PHLPP1: variants seen among roughly 807,000 people sequenced by gnomAD.
The protein encoded by PHLPP1 is PH domain and leucine rich repeat protein phosphatase 1, also known as PH domain leucine-rich repeat-containing protein phosphatase 1.
Under a neutral mutation model 117.2 loss-of-function variants are expected in PHLPP1, and 42 were observed. The ratio of observed to expected loss-of-function variants is 0.36; its 90% confidence interval spans 0.28 to 0.46. The LOEUF (loss-of-function observed/expected upper bound fraction) is 0.46, where lower values mean the gene tolerates loss of function less well. Among genes scored for constraint, PHLPP1 ranks in the 20% least tolerant of loss-of-function variants. The pLI is 1.00. For missense variants in PHLPP1, 2,084 were observed against 2,241.9 expected (o/e 0.93, Z 1.42); for synonymous variants, 1,042 against 970.7 (o/e 1.07, Z -1.37).
At chr18:62,811,992 G>A (rs1012262416) in intron 1 of PHLPP1, among the ~76,000 whole-genome samples, 1 of 152,102 alleles carries the variant, frequency 6.6e-6, no homozygotes, top group Non-Finnish European at 1.5e-5. Context: ...GTTTATAAAA[G>A]ACTAATTTAA....
chr18:62,979,485 G>A lies in PHLPP1; in HGVS notation c.*54G>A, dbSNP rs1911315119. ...AACCACAAAAGACTGAGTTGCAAGA[G>A]TCTCCCAGGCTCACATTAAACCAGG... On this transcript the variant is annotated 3_prime_UTR_variant, in exon 17 of 17. Coordinates refer to ENST00000262719, the MANE Select transcript of PHLPP1 (RefSeq NM_194449.4). The A allele has an allele frequency of 2.6e-6, 4 of 1,521,318 alleles. No homozygotes were observed. In the South Asian group the frequency reaches 5.1e-5, roughly 19 times the overall value. 94.2% of individuals were successfully genotyped at this position (1,521,318 alleles called of 1,614,324 possible).
At chr18:62,955,824 C>T (rs1168673031) in intron 12 of PHLPP1, among the ~76,000 whole-genome samples, 1 of 152,162 alleles carries the variant, frequency 6.6e-6, no homozygotes, top group African/African-American at 2.4e-5. Flanking sequence ...TTGTCAACTA[C>T]TTGCATCCTA....
At chr18:62,964,496 A>G (rs1203029742) in intron 14 of PHLPP1, among the ~76,000 whole-genome samples, 3 of 152,178 alleles carry the variant, frequency 2.0e-5, no homozygotes, top group Non-Finnish European at 4.4e-5. Flanking sequence ...GATCTGACAC[A>G]TTGATCTTTT....
At chr18:62,976,605 C>T (rs1021122236) in intron 16 of PHLPP1, among the ~76,000 whole-genome samples, 1 of 152,176 alleles carries the variant, frequency 6.6e-6, no homozygotes, top group Non-Finnish European at 1.5e-5. Flanking sequence ...CAGTGTCTAC[C>T]ATCCATGTGC....
intron 4 of PHLPP1, among the ~76,000 whole-genome samples, chr18:62,879,844 G>A (rs560504433): frequency 6.6e-6 from 1 of 152,282 alleles, no homozygotes; most frequent in African/African-American, 2.4e-5. Flanking sequence ...GCTGAAGTTT[G>A]AGAAATAGCC....
chr18:62,739,513 G>T (rs1169071146), intron 1 of PHLPP1, among the ~76,000 whole-genome samples: 1 of 152,108 alleles, frequency 6.6e-6, no homozygotes, highest in Admixed American at 6.5e-5. Context: ...TATGGTTTGT[G>T]TGCTTTATTA....
At chr18:62,970,489 G>A (rs1273374808) in intron 14 of PHLPP1, among the ~76,000 whole-genome samples, 1 of 152,184 alleles carries the variant, frequency 6.6e-6, no homozygotes, top group East Asian at 1.9e-4. Context: ...ATGAGGCTGG[G>A]CATGGTGGCT....
chr18:62,721,427 T>TGG (rs556907539), intron 1 of PHLPP1, among the ~76,000 whole-genome samples: 285 of 150,270 alleles, frequency 1.9e-3, no homozygotes, highest in African/African-American at 6.4e-3. Context: ...TTGAGGGGTG[T>TGG]GGGTGTGTGT....
At chr18:62,778,045 G>A (rs1599042703) in intron 1 of PHLPP1, among the ~76,000 whole-genome samples, 2 of 152,278 alleles carry the variant, frequency 1.3e-5, no homozygotes, top group Admixed American at 1.3e-4. Context: ...CATATGACAA[G>A]GAGAGAGTGA....
At chr18:62,875,847 C>T (rs1172506388) in intron 4 of PHLPP1, among the ~76,000 whole-genome samples, 1 of 151,988 alleles carries the variant, frequency 6.6e-6, no homozygotes, top group Non-Finnish European at 1.5e-5. Flanking sequence ...ATTCTCCTGC[C>T]TCAGCCTCCT....
intron 1 of PHLPP1, among the ~76,000 whole-genome samples, chr18:62,798,659 A>C (rs140929204): frequency 6.6e-6 from 1 of 152,118 alleles, no homozygotes; most frequent in African/African-American, 2.4e-5. Flanking sequence ...CCTATGCAAA[A>C]ATGAACCTTT....
At chr18:62,843,299 G>C (rs1915100037) in intron 3 of PHLPP1, among the ~76,000 whole-genome samples, 1 of 151,926 alleles carries the variant, frequency 6.6e-6, no homozygotes, top group South Asian at 2.1e-4. Flanking sequence ...CAGAGTAGGA[G>C]GGCAAAAAAG....
intron 13 of PHLPP1, 128 bp downstream of exon 13, chr18:62,958,887 G>T: frequency 1.0e-6 from 1 of 992,478 alleles, no homozygotes; most frequent in Non-Finnish European, 1.5e-6. Flanking sequence ...CACACAACAG[G>T]ATATACAAGA....
chr18:62,890,962 A>C (rs1280025928), intron 4 of PHLPP1, among the ~76,000 whole-genome samples: 2 of 152,210 alleles, frequency 1.3e-5, no homozygotes, highest in African/African-American at 4.8e-5. Context: ...CTAGAGCAGC[A>C]GTTTCATCTG....
intron 8 of PHLPP1, among the ~76,000 whole-genome samples, chr18:62,914,490 A>G (rs1917046514): frequency 6.6e-6 from 1 of 152,192 alleles, no homozygotes; most frequent in Non-Finnish European, 1.5e-5. Context: ...GTTGGAGTGC[A>G]GTGATGAGAT....
intron 10 of PHLPP1, among the ~76,000 whole-genome samples, chr18:62,921,451 A>G (rs766740572): frequency 2.0e-5 from 3 of 152,170 alleles, no homozygotes; most frequent in Non-Finnish European, 2.9e-5. Context: ...TTCCCACTGC[A>G]TGTTCCTAAC....
rs1001401583 is a variant in PHLPP1 at position 62,874,501 on chromosome 18, T to C, written c.2066+13900T>C. On this transcript the variant is annotated intron_variant, in intron 4 of 16. Transcript: ENST00000262719. ...TCCAGCCTGGGTGACAGAGCAAGAC[T>C]CCATCTCAAAAAACAAACAAAAAAG... 6.6e-5 allele frequency among the ~76,000 whole-genome samples: 10 copies of C among 151,966 alleles called. No homozygotes were observed. In the South Asian group the frequency reaches 1.0e-3, roughly 16 times the overall value.
intron 3 of PHLPP1, among the ~76,000 whole-genome samples, chr18:62,854,126 C>T (rs557542534): frequency 6.6e-6 from 1 of 152,328 alleles, no homozygotes; most frequent in Admixed American, 6.5e-5. Flanking sequence ...TCCTGTATGT[C>T]AAGTTGTGTG....
intron 13 of PHLPP1, among the ~76,000 whole-genome samples, 197 bp from the exon 14 acceptor site, chr18:62,963,171 T>C (rs1910813968): frequency 1.3e-5 from 2 of 152,234 alleles, no homozygotes; most frequent in Admixed American, 6.5e-5. Flanking sequence ...TCGTGCTCTG[T>C]ATATATGCCC....
Sources: gnomAD v4.1 joint callset for allele counts (sites outside exome capture counted in the v4.1 genomes callset) on GRCh38, gnomAD v4.1.1 for gene constraint, MANE v1.5 for transcripts, NCBI Gene and HGNC (gene_info 2026-07-23, HGNC 2026-07-21) for gene names.